IVD: variants seen among roughly 807,000 people sequenced by gnomAD.
IVD encodes isovaleryl-CoA dehydrogenase, mitochondrial.
IVD carries 31 observed loss-of-function variants against 51.3 expected under a neutral mutation model. The observed-to-expected ratio is 0.60, with a 90% CI of 0.45 to 0.81. The LOEUF is 0.81. Ranked by LOEUF, IVD falls within the 40% of genes least tolerant of loss-of-function variation. The pLI is 0.00. For synonymous variants in IVD, 205 were observed against 219.4 expected (o/e 0.93, Z 0.58); for missense variants, 475 against 552.0 (o/e 0.86, Z 1.40).
rs1461771746 is a variant in IVD, at chr15:40,433,834, A to G, written c.720-20A>G. On this transcript the variant is annotated intron_variant, in intron 7 of 8. Transcript: ENST00000473112. ...GCCCACAAACTCTGGACCATGTTTA[A>G]TTTCCCTTTTCGTCTCCAGCCTGGG... The G allele has an allele frequency of 2.0e-5, 9 of 456,580 alleles. No individual in the cohort carries two copies. In the Admixed American group the frequency reaches 2.1e-4, roughly 11 times the overall value. The allele number at this position is 456,580 out of a possible 1,614,324, so 28.3% of individuals were successfully genotyped here.
chr15:40,411,918 C>T (rs558721924), intron 6 of IVD, among the ~76,000 whole-genome samples: 1 of 152,256 alleles, frequency 6.6e-6, no homozygotes, highest in East Asian at 1.9e-4. Context: ...AGCGCCAGGC[C>T]ACACAAAGAG....
chr15:40,415,120 G>A, intron 8 of IVD, 138 bp downstream of exon 8: 1 of 965,556 alleles, frequency 1.0e-6, no homozygotes, highest in East Asian at 2.6e-5. Flanking sequence ...GGAGATGAAA[G>A]GAACCTCCTC....
chr15:40,407,998 T>C lies in IVD; in HGVS notation c.286+8T>C, dbSNP rs769702849. ...TGGGCATCACAGCCCCTGGTGAGTATAGTGTCTTTCCCTAAAAAGAACTTT... is the reference window on the plus strand; with the variant it reads ...TGGGCATCACAGCCCCTGGTGAGTACAGTGTCTTTCCCTAAAAAGAACTTT... On this transcript the variant is annotated splice_region_variant and intron_variant, in intron 3 of 11. Transcript: ENST00000487418. 1.5e-5 allele frequency: 25 copies of C among 1,613,442 alleles called. No homozygotes were observed. The African/African-American group carries it at 3.1e-4, about 20-fold the overall frequency.
intron 6 of IVD, among the ~76,000 whole-genome samples, chr15:40,412,173 A>G (rs1891150941): frequency 6.6e-6 from 1 of 152,204 alleles, no homozygotes; most frequent in African/African-American, 2.4e-5. Context: ...GAAGGAAAAA[A>G]AAGGGAAGAA....
chr15:40,418,878 A>T lies in IVD; in HGVS notation c.*615A>T. 2 of 655,610 alleles carry T rather than the reference A, an allele frequency of 3.1e-6. No homozygotes were observed. Among genetic ancestry groups the T allele is most frequent in the Middle Eastern group, 6.6e-4 (1 of 1,518 alleles). 40.6% of individuals were successfully genotyped at this position (655,610 alleles called of 1,614,324 possible). On this transcript the variant is annotated 3_prime_UTR_variant, in exon 12 of 12. Transcript: ENST00000487418. ...CCAGGCGTGGTGGCTCATGCTTGTAATCCCAGCACTTCAGGAGGCTGAGAT... is the reference window on the plus strand; with the variant it reads ...CCAGGCGTGGTGGCTCATGCTTGTATTCCCAGCACTTCAGGAGGCTGAGAT...
chr15:40,430,148 G>A (rs1393680379), intron 7 of IVD, among the ~76,000 whole-genome samples: 1 of 152,206 alleles, frequency 6.6e-6, no homozygotes, highest in Admixed American at 6.5e-5. Flanking sequence ...GAGCAGTCAG[G>A]GTGCAGAGCC....
chr15:40,421,832 C>T (rs535798205), downstream of IVD, among the ~76,000 whole-genome samples: 4 of 152,304 alleles, frequency 2.6e-5, no homozygotes, highest in African/African-American at 9.6e-5. Flanking sequence ...CGCAGGGCCC[C>T]CTTTCAGAAG....
In IVD at chr15:40,413,179, G is replaced by A. The variant is rs1891267094; in HGVS notation, c.784+92G>A. The A allele has an allele frequency of 8.7e-6, 9 of 1,034,148 alleles. No individual in the cohort carries two copies. In the South Asian group the frequency reaches 1.2e-4, roughly 14 times the overall value. The allele number at this position is 1,034,148 out of a possible 1,614,324, so 64.1% of individuals were successfully genotyped here. ...AAGTTGAGAAAGCCTCTGGGTTAGA[G>A]AGGCTTGGCATTGTTAGCGCTTCAG... is the stretch of plus-strand genomic sequence containing the variant. On this transcript the variant is annotated intron_variant, in intron 7 of 11. Transcript: ENST00000487418.
chr15:40,410,934 CA>C, intron 4 of IVD, 137 bp downstream of exon 4: 1 of 1,072,948 alleles, frequency 9.3e-7, no homozygotes, highest in Non-Finnish European at 1.4e-6. Context: ...AGGAAGGGGC[CA>C]TGGATTGCTT....
rs548945279 is a variant in IVD at position 40,411,148 on chromosome 15, T to A, written c.457-112T>A. On this transcript the variant is annotated intron_variant, in intron 4 of 11. Coordinates refer to ENST00000487418, the MANE Select transcript of IVD (RefSeq NM_002225.5). ...TTCTAGGACTTTACCGACACCCTGG[T>A]CTGAGAGCGAAGTTTGAAGGGGTTT... 349 of 1,042,886 alleles carry A rather than the reference T, an allele frequency of 3.3e-4. No homozygotes were observed. The African/African-American group carries it at 4.7e-3, about 14-fold the overall frequency. 64.6% of individuals were successfully genotyped at this position (1,042,886 alleles called of 1,614,324 possible).
intron 7 of IVD, among the ~76,000 whole-genome samples, chr15:40,431,045 G>A (rs940918061): frequency 1.3e-5 from 2 of 151,892 alleles, no homozygotes; most frequent in Non-Finnish European, 2.9e-5. Context: ...ATTGTTTGGG[G>A]AAGCTTATTT....
chr15:40,426,537 CA>C (rs199772837), downstream of IVD, among the ~76,000 whole-genome samples: 13,373 of 131,072 alleles, frequency 0.1, 733 homozygotes, highest in Non-Finnish European at 0.14. Flanking sequence ...TACACTGTCT[CA>C]AAAAAAAAAA....
rs553188423 is a variant in IVD at position 40,417,714 on chromosome 15, A to C, written c.1139-416A>C. Reference sequence around the variant, plus strand: ...ATCCAATCAGCTGTCCTGATATCAGAGTGCCTGTGTTCAAGTAACTCTTAT... The same window carrying C: ...ATCCAATCAGCTGTCCTGATATCAGCGTGCCTGTGTTCAAGTAACTCTTAT... On this transcript the variant is annotated intron_variant, in intron 11 of 11. Coordinates refer to ENST00000487418, the MANE Select transcript of IVD (RefSeq NM_002225.5). 5.3e-5 allele frequency among the ~76,000 whole-genome samples: 8 copies of C among 152,254 alleles called. No homozygotes were observed. The East Asian group carries it at 1.5e-3, about 29-fold the overall frequency.
Position 40,418,050 on chromosome 15 carries a change from T to C in IVD, c.1139-80T>C, listed in dbSNP as rs954407132. 36 of 1,594,544 alleles carry C rather than the reference T, an allele frequency of 2.3e-5. No individual in the cohort carries two copies. The African/African-American group carries it at 4.6e-4, about 20-fold the overall frequency. On this transcript the variant is annotated intron_variant, in intron 11 of 11. Coordinates refer to ENST00000487418, the MANE Select transcript of IVD (RefSeq NM_002225.5). ...ATCACCCTCTCCTCCTGTGGCCTGT[T>C]TCTATATACTTGGCATTCTGTTTGC...
downstream of IVD, chr15:40,424,138 A>G (rs1370768047): frequency 3.1e-6 from 4 of 1,284,572 alleles, no homozygotes; most frequent in Admixed American, 2.3e-5. Context: ...CTTCCAGGCC[A>G]TGCCCCTCAA....
downstream of IVD, chr15:40,435,882 A>C: frequency 2.3e-5 from 4 of 174,308 alleles, no homozygotes; most frequent in Non-Finnish European, 4.5e-5. Flanking sequence ...CCAGGGGCAG[A>C]CCCTGGCAGC....
Position 40,410,723 on chromosome 15 carries a change from G to A in IVD, c.382G>A (p.Ala128Thr). 2 of 1,614,226 alleles carry A rather than the reference G, an allele frequency of 1.2e-6. No individual in the cohort carries two copies. The highest frequency in any genetic ancestry group is 8.5e-7 in the Non-Finnish European group (1 of 1,180,050). Residue 128 changes from alanine (A) to threonine (T), a missense_variant, in exon 4 of 12, where the codon GCC (alanine) becomes ACC (threonine). Physicochemically the swap from Ala to Thr is moderately conservative, Grantham distance 58 (BLOSUM62 0). Transcript: ENST00000487418. ...CGGAGCAGTGGGGCTCAGTTACGGT[G>A]CCCACTCCAACCTCTGCATCAACCA... is the stretch of plus-strand genomic sequence containing the variant. ...ASGAVGLSYGAHSNLCINQLV... is the reference protein window; with the variant it reads ...ASGAVGLSYGTHSNLCINQLV...
chr15:40,430,293 T>C (rs1892897910), intron 7 of IVD, among the ~76,000 whole-genome samples: 2 of 152,248 alleles, frequency 1.3e-5, no homozygotes, highest in South Asian at 4.1e-4. Flanking sequence ...CAGATGTGGT[T>C]TTCACCCTAG....
At chr15:40,432,503 T>C (rs944232954) in intron 7 of IVD, among the ~76,000 whole-genome samples, 4 of 152,130 alleles carry the variant, frequency 2.6e-5, no homozygotes, top group Admixed American at 2.6e-4. Flanking sequence ...CCCCAGAGGG[T>C]GTCTGCTGGA....
Sources: gnomAD v4.1 joint callset for allele counts (sites outside exome capture counted in the v4.1 genomes callset) on GRCh38, gnomAD v4.1.1 for gene constraint, MANE v1.5 for transcripts, NCBI Gene and HGNC (gene_info 2026-07-23, HGNC 2026-07-21) for gene names.